Variants in CNIH3 observed in about 807,000 individuals in gnomAD.
CNIH3 encodes cornichon family AMPA receptor auxiliary protein 3, also known as protein cornichon homolog 3.
CNIH3 carries 14 observed loss-of-function variants against 24.1 expected under a neutral mutation model. That is an observed-to-expected ratio of 0.58 (90% CI 0.38 to 0.91). The LOEUF is 0.91. Ranked by LOEUF, CNIH3 falls within the 40% of genes least tolerant of loss-of-function variation. The pLI, the probability that CNIH3 is intolerant of heterozygous loss-of-function variation, is 0.00. For missense variants in CNIH3, 178 were observed against 196.8 expected, an observed-to-expected ratio of 0.90 and a Z score of 0.57; for synonymous variants, 68 against 73.8, an observed-to-expected ratio of 0.92 and a Z score of 0.40.
At chr1:224,726,605 G>A (rs1689034739) in intron 3 of CNIH3, among the ~76,000 whole-genome samples, 1 of 152,220 alleles carries the variant, frequency 6.6e-6, no homozygotes, top group East Asian at 1.9e-4. Context: ...TGCTTTCACT[G>A]TTCCACTTCT....
chr1:224,657,647 C>T (rs982459380), intron 1 of CNIH3, among the ~76,000 whole-genome samples: 15 of 152,292 alleles, frequency 9.8e-5, no homozygotes, highest in African/African-American at 3.6e-4. Flanking sequence ...GGCCAGCAAT[C>T]GTCATGAACA....
At chr1:224,582,068 G>T (rs1163919058) in intron 4 of CNIH3, among the ~76,000 whole-genome samples, 1 of 152,176 alleles carries the variant, frequency 6.6e-6, no homozygotes, top group African/African-American at 2.4e-5. Flanking sequence ...CAGAGGGGGT[G>T]TGGGGAGGGC....
At chr1:224,473,434 A>G (rs1676446475) in intron 1 of CNIH3, among the ~76,000 whole-genome samples, 1 of 152,214 alleles carries the variant, frequency 6.6e-6, no homozygotes, top group Non-Finnish European at 1.5e-5. Flanking sequence ...CAGTGATCTG[A>G]TGCCTAAAAG....
chr1:224,479,953 A>G (rs1558095294), intron 1 of CNIH3, among the ~76,000 whole-genome samples: 1 of 152,196 alleles, frequency 6.6e-6, no homozygotes, highest in Non-Finnish European at 1.5e-5. Flanking sequence ...GTGCTGCCCC[A>G]GTAGAGACTC....
At chr1:224,509,541 G>C (rs1236106871) in intron 1 of CNIH3, among the ~76,000 whole-genome samples, 1 of 152,024 alleles carries the variant, frequency 6.6e-6, no homozygotes. Flanking sequence ...CTTGCCACAG[G>C]TCAGGCTCTT....
intron 1 of CNIH3, among the ~76,000 whole-genome samples, chr1:224,448,859 G>A (rs1675269128): frequency 6.6e-6 from 1 of 151,936 alleles, no homozygotes; most frequent in Non-Finnish European, 1.5e-5. Flanking sequence ...CACAGGCAGA[G>A]TGAATTTAGA....
At position 224,484,125 on chromosome 1, in the gene CNIH3, C is replaced by T. The variant is rs1449177552; in HGVS notation, n.204-31616C>T. Among the ~76,000 whole-genome samples the T allele has an allele frequency of 8.0e-5, 12 of 150,370 alleles. No homozygotes were observed. In the South Asian group the frequency reaches 8.4e-4, roughly 10 times the overall value. On this transcript the variant is annotated intron_variant and non_coding_transcript_variant, in intron 1 of 5. Transcript: ENST00000471578. ...AGTGGAGGTTGCAGTGAGCGGAGAT[C>T]GCACCATTGCACTCTAGCCTGGGCA...
At chr1:224,656,330 C>G (rs1439066839) in intron 1 of CNIH3, among the ~76,000 whole-genome samples, 1 of 152,172 alleles carries the variant, frequency 6.6e-6, no homozygotes, top group African/African-American at 2.4e-5. Flanking sequence ...AAGTAATTAA[C>G]AGCATCGATA....
intron 1 of CNIH3, among the ~76,000 whole-genome samples, chr1:224,460,639 G>A (rs747063479): frequency 1.3e-5 from 2 of 152,056 alleles, no homozygotes; most frequent in Non-Finnish European, 2.9e-5. Flanking sequence ...TTCACCTGTC[G>A]ATGGACATTT....
At chr1:224,613,676 A>G (rs1450938560), upstream of CNIH3, among the ~76,000 whole-genome samples, 1 of 152,014 alleles carries the variant, frequency 6.6e-6, no homozygotes, top group African/African-American at 2.4e-5. Flanking sequence ...GGTTATTTAC[A>G]CGTGTGTGGC....
At chr1:224,680,674 A>C (rs933874205) in intron 1 of CNIH3, among the ~76,000 whole-genome samples, 16 of 152,244 alleles carry the variant, frequency 1.1e-4, no homozygotes, top group African/African-American at 3.9e-4. Context: ...ATCTAAATCC[A>C]AACCTGCCCT....
intron 1 of CNIH3, among the ~76,000 whole-genome samples, chr1:224,655,101 A>G (rs574602685): frequency 6.6e-6 from 1 of 152,274 alleles, no homozygotes; most frequent in South Asian, 2.1e-4. Flanking sequence ...GCAACCCATG[A>G]AGCTGTTACC....
chr1:224,533,644 G>A (rs1054774790), intron 2 of CNIH3, among the ~76,000 whole-genome samples: 5 of 152,074 alleles, frequency 3.3e-5, no homozygotes, highest in South Asian at 2.1e-4. Context: ...CTAGTAATCC[G>A]TGGCCTTTCT....
At chr1:224,608,994 T>A (rs930494259) in intron 3 of CNIH3, among the ~76,000 whole-genome samples, 5 of 152,186 alleles carry the variant, frequency 3.3e-5, no homozygotes, top group African/African-American at 1.2e-4. Context: ...GTTTCAGGTG[T>A]TTCTATCTGT....
At chr1:224,542,618 T>C (rs1679554257) in intron 2 of CNIH3, among the ~76,000 whole-genome samples, 1 of 152,154 alleles carries the variant, frequency 6.6e-6, no homozygotes, top group Non-Finnish European at 1.5e-5. Context: ...AAATATTTAC[T>C]CTAAGGATAT....
chr1:224,463,191 T>C (rs1289404000), intron 1 of CNIH3, among the ~76,000 whole-genome samples: 2 of 152,110 alleles, frequency 1.3e-5, no homozygotes, highest in Admixed American at 1.3e-4. Context: ...GCACTGTGCC[T>C]GGCCTGTTTA....
chr1:224,452,989 G>T (rs1196595371), intron 1 of CNIH3, among the ~76,000 whole-genome samples: 1 of 149,694 alleles, frequency 6.7e-6, no homozygotes, highest in East Asian at 2.0e-4. Context: ...TTTTGGTGGC[G>T]CATGCCTGTA....
At chr1:224,628,174 T>C (rs1357211884) in intron 1 of CNIH3, among the ~76,000 whole-genome samples, 1 of 152,170 alleles carries the variant, frequency 6.6e-6, no homozygotes, top group Non-Finnish European at 1.5e-5. Flanking sequence ...CTCAACTGTC[T>C]CTGTATTCGC....
intron 1 of CNIH3, among the ~76,000 whole-genome samples, chr1:224,463,431 G>A (rs1344351217): frequency 2.7e-5 from 4 of 149,912 alleles, no homozygotes; most frequent in Non-Finnish European, 5.9e-5. Flanking sequence ...TTTTTGAGGC[G>A]GAGCTTCACT....
Sources: gnomAD v4.1 joint callset for allele counts (sites outside exome capture counted in the v4.1 genomes callset) on GRCh38, gnomAD v4.1.1 for gene constraint, MANE v1.5 for transcripts, NCBI Gene and HGNC (gene_info 2026-07-23, HGNC 2026-07-21) for gene names.